SLC9B2: variants seen among roughly 807,000 people sequenced by gnomAD.
The protein encoded by SLC9B2 is solute carrier family 9 member B2.
In SLC9B2, 39 loss-of-function variants were observed where a neutral mutation model predicts 52.2. That is an observed-to-expected ratio of 0.75 (90% CI 0.58 to 0.98). The LOEUF (loss-of-function observed/expected upper bound fraction) is 0.98. Ranked by LOEUF, SLC9B2 falls within the 50% of genes least tolerant of loss-of-function variation. The pLI is 0.00. For synonymous variants in SLC9B2, 214 were observed against 227.0 expected (o/e 0.94, Z 0.51); for missense variants, 626 against 637.5 (o/e 0.98, Z 0.19).
chr4:103,044,384 AGAT>A (rs955907449), intron 8 of SLC9B2, among the ~76,000 whole-genome samples: 1 of 152,198 alleles, frequency 6.6e-6, no homozygotes, highest in Non-Finnish European at 1.5e-5. Context: ...AAGTGGCACT[AGAT>A]GATGATTGAC....
chr4:103,061,157 T>C (rs1236877696), intron 3 of SLC9B2, among the ~76,000 whole-genome samples: 1 of 152,198 alleles, frequency 6.6e-6, no homozygotes, highest in Non-Finnish European at 1.5e-5. Flanking sequence ...ATCCCATTAC[T>C]GGTATATACC....
At chr4:103,047,322 C>T in intron 6 of SLC9B2, 96 bp from the exon 7 acceptor site, 1 of 949,176 alleles carries the variant, frequency 1.1e-6, no homozygotes, top group Non-Finnish European at 1.5e-6. Flanking sequence ...TATACTTGGA[C>T]AACAACAGTC....
chr4:103,066,637 C>A, intron 2 of SLC9B2, 130 bp from the exon 3 acceptor site: 1 of 825,938 alleles, frequency 1.2e-6, no homozygotes, highest in South Asian at 2.2e-5. Context: ...GTAGAAAAAA[C>A]TCACAGCTTT....
At chr4:103,050,125 G>T in intron 5 of SLC9B2, 115 bp downstream of exon 5, 3 of 908,494 alleles carry the variant, frequency 3.3e-6, no homozygotes, top group Non-Finnish European at 4.5e-6. Context: ...TTATTCTCAA[G>T]AATGTCATGC....
At chr4:103,019,630 G>T (rs186545446), downstream of SLC9B2, 2 of 985,488 alleles carry the variant, frequency 2.0e-6, no homozygotes, top group East Asian at 2.3e-4. Context: ...TCGCTGGCCC[G>T]GGAGCGGCCC....
chr4:103,047,517 A>G, intron 6 of SLC9B2, among the ~76,000 whole-genome samples: 1 of 148,414 alleles, frequency 6.7e-6, no homozygotes, highest in Non-Finnish European at 1.5e-5. Context: ...AACATCAGGT[A>G]TATCTCCTAA....
In SLC9B2 at chr4:103,022,456, G is replaced by A. The variant is rs1244643664; in HGVS notation, c.*3914C>T. On this transcript the variant is annotated 3_prime_UTR_variant, in exon 12 of 12. Coordinates refer to ENST00000394785, the MANE Select transcript of SLC9B2 (RefSeq NM_178833.7). ...TGAAAATAATACATCCCCCAAAACT[G>A]CAGTACAATTTTAAAGAAAAATAAA... 6.6e-6 allele frequency among the ~76,000 whole-genome samples: 1 copy of A among 151,974 alleles called. No individual in the cohort carries two copies.
At chr4:103,039,518 AG>A (rs1407055766) in intron 9 of SLC9B2, among the ~76,000 whole-genome samples, 1 of 152,184 alleles carries the variant, frequency 6.6e-6, no homozygotes, top group Non-Finnish European at 1.5e-5. Context: ...TGGTTCCTAC[AG>A]GAATAAGAAC....
intron 1 of SLC9B2, among the ~76,000 whole-genome samples, chr4:103,072,056 G>GTTTTATTTTTTT: frequency 1.0e-5 from 1 of 95,306 alleles, no homozygotes. Flanking sequence ...TGGCTTTCAT[G>GTTTTATTTTTTT]TTTTTTTTTT....
chr4:103,054,761 G>T (rs953997391), intron 4 of SLC9B2, among the ~76,000 whole-genome samples: 1 of 152,186 alleles, frequency 6.6e-6, no homozygotes, highest in Admixed American at 6.5e-5. Context: ...AGGATGTGGA[G>T]AAATAGGAAC....
At chr4:103,069,922 G>A (rs1233498712) in intron 1 of SLC9B2, among the ~76,000 whole-genome samples, 1 of 152,192 alleles carries the variant, frequency 6.6e-6, no homozygotes, top group Non-Finnish European at 1.5e-5. Context: ...TTTTATCAAT[G>A]TTATTATGGG....
intron 3 of SLC9B2, chr4:103,065,797 A>G (rs549885732): frequency 1.3e-5 from 2 of 152,340 alleles, no homozygotes; most frequent in South Asian, 2.1e-4. Flanking sequence ...CAAGCCTAAA[A>G]ATTTTCAAAA....
intron 6 of SLC9B2, among the ~76,000 whole-genome samples, chr4:103,048,338 A>G (rs1202623270): frequency 6.6e-6 from 1 of 152,222 alleles, no homozygotes; most frequent in Non-Finnish European, 1.5e-5. Flanking sequence ...CACACCGGAA[A>G]AATCACAAGG....
intron 1 of SLC9B2, among the ~76,000 whole-genome samples, chr4:103,072,450 G>T (rs1336515868): frequency 1.3e-5 from 2 of 152,174 alleles, no homozygotes; most frequent in African/African-American, 2.4e-5. Context: ...CGCTGCAGGA[G>T]CCCTGTCTAC....
At chr4:103,035,080 C>G (rs568699893) in intron 9 of SLC9B2, among the ~76,000 whole-genome samples, 3 of 152,114 alleles carry the variant, frequency 2.0e-5, no homozygotes, top group Non-Finnish European at 4.4e-5. Flanking sequence ...TTTCATCACT[C>G]TGGTATTAAG....
Position 103,067,451 on chromosome 4 carries a change from T to C in SLC9B2, c.90+10A>G, listed in dbSNP as rs1250258382. 6.2e-7 allele frequency: 1 copy of C among 1,609,382 alleles called. No individual in the cohort carries two copies. The highest frequency in any genetic ancestry group is 1.3e-5 in the African/African-American group (1 of 74,848). On this transcript the variant is annotated intron_variant, in intron 2 of 11. Coordinates refer to ENST00000394785, the MANE Select transcript of SLC9B2 (RefSeq NM_178833.7). The stretch of plus-strand genomic sequence containing the variant: ...GAAGAAAACACAATTCTATCACAGC[T>C]TAGATTTACCTGTGCTTCTTGATGC...
intron 4 of SLC9B2, among the ~76,000 whole-genome samples, chr4:103,056,075 ATTACAGGC>A (rs1745113164): frequency 1.3e-5 from 2 of 152,094 alleles, no homozygotes. Flanking sequence ...AAGTGCTGGG[ATTACAGGC>A]GTGAGCCACC....
In SLC9B2 at chr4:103,024,442, C is replaced by A. The variant is rs1742037278; in HGVS notation, c.*1928G>T. Among the ~76,000 whole-genome samples the A allele has an allele frequency of 6.6e-6, 1 of 152,086 alleles. No homozygotes were observed. Among genetic ancestry groups the A allele is most frequent in the African/African-American group, 2.4e-5 (1 of 41,428 alleles). On this transcript the variant is annotated 3_prime_UTR_variant, in exon 12 of 12. Transcript: ENST00000394785. Reference sequence around the variant, plus strand: ...ATACAGCACCATAGGGTAACCAAAGCAAAGTTGACATAAAATTGAAGGCTA... The same window carrying A: ...ATACAGCACCATAGGGTAACCAAAGAAAAGTTGACATAAAATTGAAGGCTA...
At chr4:103,033,056 TTC>T (rs1459766375) in intron 9 of SLC9B2, among the ~76,000 whole-genome samples, 1 of 152,198 alleles carries the variant, frequency 6.6e-6, no homozygotes, top group African/African-American at 2.4e-5. Flanking sequence ...ACTATTTGAT[TTC>T]TCTTTCCTCA....
Sources: allele counts gnomAD v4.1 joint callset (sites outside exome capture counted in the v4.1 genomes callset), GRCh38; gene constraint gnomAD v4.1.1; transcripts MANE v1.5; gene names NCBI Gene and HGNC (gene_info 2026-07-23, HGNC 2026-07-21).